ZNF860: variants seen among roughly 807,000 people sequenced by gnomAD.
ZNF860 encodes the protein zinc finger protein 860.
For missense variants in ZNF860, 641 were observed against 759.2 expected (o/e 0.84, Z 1.83); for synonymous variants, 206 against 248.9 (o/e 0.83, Z 1.62).
chr3:31,983,333 AGAG>A (rs1357432648), intron 1 of ZNF860, among the ~76,000 whole-genome samples: 1 of 152,242 alleles, frequency 6.6e-6, no homozygotes, highest in Non-Finnish European at 1.5e-5. Context: ...TCCTGCTAAA[AGAG>A]GAGAAGTGTC....
In ZNF860 at chr3:31,989,993, A is replaced by G. The variant is rs1390975137; in HGVS notation, c.914A>G (p.His305Arg). The stretch of plus-strand genomic sequence containing the variant: ...CAACAATCAAACCTTGCAAGTCATC[A>G]TAGACTTCATACTGGAGAGAAACCT... The part of the protein sequence containing the change: ...FNQQSNLASH[H>R]RLHTGEKPYK... The change falls in exon 2 of 2, where the codon CAT (histidine) becomes CGT (arginine). Residue 305 changes from histidine to arginine, a missense_variant. Coordinates refer to ENST00000360311, the MANE Select transcript of ZNF860 (RefSeq NM_001137674.3). 6 of 1,614,070 alleles carry G rather than the reference A, an allele frequency of 3.7e-6. No homozygotes were observed. In the East Asian group the frequency reaches 1.3e-4, roughly 36 times the overall value.
In ZNF860 at chr3:31,989,901, A is replaced by G. The variant is rs761614978; in HGVS notation, c.822A>G (p.Ala274=). The G allele has an allele frequency of 4.3e-6, 7 of 1,614,106 alleles. No individual in the cohort carries two copies. The African/African-American group carries it at 8.0e-5, about 18-fold the overall frequency. The change falls in exon 2 of 2, where the codon GCA becomes GCG. Residue 274 remains alanine (A), a synonymous_variant. Coordinates refer to ENST00000360311, the MANE Select transcript of ZNF860 (RefSeq NM_001137674.3). ...TCTTTAATCAGAAGCGATACCTTGC[A>G]TGCCATCATAGATGTCACACTGGTG... ...GKVFNQKRYL[A]CHHRCHTGEK...
At chr3:32,002,221 G>A in the ZNF860 span, among the ~76,000 whole-genome samples, 2 of 152,084 alleles carry the variant, frequency 1.3e-5, no homozygotes, top group Admixed American at 6.6e-5. Context: ...CATTTTAGGT[G>A]CTATGATGAA....
At chr3:31,994,502 A>G (rs1699068709), downstream of ZNF860, among the ~76,000 whole-genome samples, 1 of 151,590 alleles carries the variant, frequency 6.6e-6, no homozygotes. Context: ...GGATGGATGG[A>G]TGGATGGATG....
In ZNF860 at chr3:31,989,112, AG is replaced by A. The variant is rs1282291357; in HGVS notation, c.34del (p.Glu12LysfsTer13). 1 of 1,614,122 alleles carries A rather than the reference AG, an allele frequency of 6.2e-7. No individual in the cohort carries two copies. On this transcript the variant is annotated frameshift_variant, in exon 2 of 2. Transcript: ENST00000360311. LOFTEE classifies it low-confidence loss of function (END_TRUNC). ...LREEAAQKRK[E>X]KEPGMALPQG... Reference sequence around the variant, plus strand: ...GTGAGGAAGCAGCTCAGAAGAGGAAAGAAAAGGAGCCAGGCATGGCTCTTCC... The same window carrying A: ...GTGAGGAAGCAGCTCAGAAGAGGAAAAAAAGGAGCCAGGCATGGCTCTTCC...
chr3:32,000,319 C>T, the ZNF860 span, among the ~76,000 whole-genome samples: 555 of 152,210 alleles, frequency 3.6e-3, 2 homozygotes, highest in South Asian at 0.019. Flanking sequence ...GCTTATAATA[C>T]GGGCTCAAAG....
intron 1 of ZNF860, among the ~76,000 whole-genome samples, chr3:31,984,962 G>A (rs1181020098): frequency 6.6e-6 from 1 of 152,230 alleles, no homozygotes; most frequent in Non-Finnish European, 1.5e-5. Flanking sequence ...GGCTAGGCCA[G>A]GCGCGGTGGC....
the ZNF860 span, among the ~76,000 whole-genome samples, chr3:32,000,103 G>T: frequency 6.6e-6 from 1 of 152,050 alleles, no homozygotes; most frequent in African/African-American, 2.4e-5. Context: ...CATTTCCTCT[G>T]TCTTAGTCAT....
At chr3:31,994,550 A>T (rs7639637), downstream of ZNF860, among the ~76,000 whole-genome samples, 4 of 151,858 alleles carry the variant, frequency 2.6e-5, no homozygotes, top group African/African-American at 9.7e-5. Context: ...TGCCAGCCTA[A>T]CTGCATGCCT....
At chr3:31,992,931 A>G (rs1699049779), downstream of ZNF860, among the ~76,000 whole-genome samples, 1 of 152,172 alleles carries the variant, frequency 6.6e-6, no homozygotes, top group African/African-American at 2.4e-5. Flanking sequence ...TGAACACAGA[A>G]GTTCAAAGCT....
Position 31,989,223 on chromosome 3 carries a change from A to C in ZNF860, c.144A>C (p.Leu48Phe), listed in dbSNP as rs971185294. ...WKCLDPTQRA[L>F]YRAMMLENYR... is the part of the protein sequence containing the mutation. ...GCCTGGACCCTACGCAGAGGGCTTTATACAGGGCCATGATGTTGGAGAACT... is the reference window on the plus strand; with the variant it reads ...GCCTGGACCCTACGCAGAGGGCTTTCTACAGGGCCATGATGTTGGAGAACT... The change falls in exon 2 of 2, where the codon TTA becomes TTC. Residue 48 changes from leucine to phenylalanine, a missense_variant. Coordinates refer to ENST00000360311, the MANE Select transcript of ZNF860 (RefSeq NM_001137674.3). The C allele has an allele frequency of 6.8e-6, 11 of 1,614,210 alleles. No homozygotes were observed. The highest frequency in any genetic ancestry group is 8.5e-6 in the Non-Finnish European group (10 of 1,180,036).
chr3:31,985,114 C>G (rs1431786723), intron 1 of ZNF860, among the ~76,000 whole-genome samples: 1 of 152,200 alleles, frequency 6.6e-6, no homozygotes. Flanking sequence ...TCATACACGC[C>G]TGTAGTCCCA....
the ZNF860 span, among the ~76,000 whole-genome samples, chr3:32,000,271 T>C: frequency 2.6e-5 from 4 of 152,278 alleles, no homozygotes; most frequent in African/African-American, 9.6e-5. Context: ...GTTAGCACTC[T>C]AGATAAAGGA....
At position 31,989,596 on chromosome 3, in the gene ZNF860, G is replaced by C. The variant is rs1363475482; in HGVS notation, c.517G>C (p.Gly173Arg). Residue 173 changes from glycine (G) to arginine (R), a missense_variant, in exon 2 of 2, where the codon GGG becomes CGG. By Grantham distance (125) the Gly-to-Arg change is moderately radical. Coordinates refer to ENST00000360311, the MANE Select transcript of ZNF860 (RefSeq NM_001137674.3). Reference protein sequence around the residue: ...LPELHIFQTKGKVGNQVEKSI... With the variant: ...LPELHIFQTKRKVGNQVEKSI... ...TGAACTCCACATATTTCAGACCAAA[G>C]GGAAAGTTGGTAATCAAGTTGAGAA... 6.2e-7 allele frequency: 1 copy of C among 1,614,176 alleles called. No individual in the cohort carries two copies. The highest frequency in any genetic ancestry group is 8.5e-7 in the Non-Finnish European group (1 of 1,180,024).
the ZNF860 span, among the ~76,000 whole-genome samples, chr3:32,001,861 T>C: frequency 1.3e-5 from 2 of 152,196 alleles, no homozygotes; most frequent in Non-Finnish European, 2.9e-5. Context: ...CAGTAATCTC[T>C]ATTATCCAAT....
chr3:31,994,626 C>T (rs1185068744), downstream of ZNF860, among the ~76,000 whole-genome samples: 1 of 152,126 alleles, frequency 6.6e-6, no homozygotes, highest in Non-Finnish European at 1.5e-5. Context: ...TTTCTATACA[C>T]CTTCTTCAAG....
the ZNF860 span, among the ~76,000 whole-genome samples, chr3:31,997,453 T>G: frequency 2.0e-5 from 3 of 151,724 alleles, no homozygotes; most frequent in African/African-American, 7.3e-5. Context: ...TTAGTAGAGA[T>G]AGGGTTTCAC....
chr3:32,005,676 C>T, the ZNF860 span, among the ~76,000 whole-genome samples: 1 of 152,176 alleles, frequency 6.6e-6, no homozygotes, highest in African/African-American at 2.4e-5. Flanking sequence ...CAACCTCTGC[C>T]TCCCAGGTTC....
Position 31,991,188 on chromosome 3 carries a change from G to A in ZNF860, c.*210G>A, listed in dbSNP as rs1222174536. On this transcript the variant is annotated 3_prime_UTR_variant, in exon 2 of 2. Coordinates refer to ENST00000360311, the MANE Select transcript of ZNF860 (RefSeq NM_001137674.3). ...GGGCTGGGCAGGGTGGCTTATACCT[G>A]TAATCCCAGCACTGTGGGAGGTCAA... 8 of 581,050 alleles carry A rather than the reference G, an allele frequency of 1.4e-5. No homozygotes were observed. Among genetic ancestry groups the A allele is most frequent in the Admixed American group, 1.3e-4 (4 of 29,690 alleles). The allele number at this position is 581,050 out of a possible 1,614,324, so 36.0% of individuals were successfully genotyped here. A position where few individuals can be genotyped will look rare whatever the true frequency, so the allele number is the denominator to read the frequency against.
Sources: allele counts gnomAD v4.1 joint callset (sites outside exome capture counted in the v4.1 genomes callset), GRCh38; gene constraint gnomAD v4.1.1; transcripts MANE v1.5; gene names NCBI Gene and HGNC (gene_info 2026-07-23, HGNC 2026-07-21).